CLEC16A: variants seen among roughly 807,000 people sequenced by gnomAD.
The protein encoded by CLEC16A is C-type lectin domain containing 16A.
Under a neutral mutation model 109.5 loss-of-function variants are expected in CLEC16A, and 51 were observed. That is an observed-to-expected ratio of 0.47 (90% CI 0.37 to 0.59). The LOEUF (loss-of-function observed/expected upper bound fraction) is 0.59. Ranked by LOEUF, CLEC16A falls within the 20% of genes least tolerant of loss-of-function variation. The pLI is 0.00. For missense variants in CLEC16A, 1,339 were observed against 1,394.0 expected (o/e 0.96, Z 0.63); for synonymous variants, 673 against 564.2 (o/e 1.19, Z -2.73).
chr16:11,006,577 T>G (rs1184842663), intron 11 of CLEC16A, among the ~76,000 whole-genome samples: 1 of 152,188 alleles, frequency 6.6e-6, no homozygotes, highest in African/African-American at 2.4e-5. Context: ...CTGCATACCC[T>G]GCCAATCCCA....
chr16:11,008,635 G>C (rs2045193570), intron 11 of CLEC16A, among the ~76,000 whole-genome samples: 1 of 151,500 alleles, frequency 6.6e-6, no homozygotes, highest in South Asian at 2.1e-4. Flanking sequence ...TTAAACTTAT[G>C]GTAAAATACG....
intron 19 of CLEC16A, among the ~76,000 whole-genome samples, chr16:11,093,879 T>C (rs16958036): frequency 0.095 from 14,406 of 152,048 alleles, 702 homozygotes; most frequent in East Asian, 0.12. Context: ...GAAACATGCC[T>C]CTCTCATTCA....
intron 18 of CLEC16A, among the ~76,000 whole-genome samples, chr16:11,058,086 C>T (rs1483614946): frequency 6.6e-6 from 1 of 152,216 alleles, no homozygotes; most frequent in Non-Finnish European, 1.5e-5. Flanking sequence ...CCCAATGTGC[C>T]TACCAGGCCC....
intron 10 of CLEC16A, among the ~76,000 whole-genome samples, chr16:11,002,285 A>C (rs539748187): frequency 1.3e-5 from 2 of 152,370 alleles, no homozygotes; most frequent in African/African-American, 4.8e-5. Flanking sequence ...GTACCACAGA[A>C]GTGTTCATCA....
chr16:10,949,287 TATGGGTCCTA>T (rs2041598977), intron 1 of CLEC16A, among the ~76,000 whole-genome samples: 1 of 152,144 alleles, frequency 6.6e-6, no homozygotes, highest in African/African-American at 2.4e-5. Flanking sequence ...TGCCACATAT[TATGGGTCCTA>T]GGCTCCCACT....
chr16:11,153,920 T>C (rs27867), intron 22 of CLEC16A, among the ~76,000 whole-genome samples: 109,126 of 152,094 alleles, frequency 0.72, 40,907 homozygotes, highest in African/African-American at 0.93. Context: ...GAAGCCCTTC[T>C]GGTTCCTAAT....
At chr16:11,123,647 G>A (rs2052590761) in intron 20 of CLEC16A, 95 bp from the exon 21 acceptor site, 1 of 1,176,798 alleles carries the variant, frequency 8.5e-7, no homozygotes, top group South Asian at 1.3e-5. Context: ...GATGAATTTG[G>A]AGACCTCTTT....
At chr16:11,132,235 C>CCCCCCA (rs1567368486) in intron 22 of CLEC16A, among the ~76,000 whole-genome samples, 2 of 65,532 alleles carry the variant, frequency 3.1e-5, no homozygotes, top group East Asian at 6.5e-4. Context: ...CGCCCACCCA[C>CCCCCCA]CCCCCCCGCC....
intron 12 of CLEC16A, among the ~76,000 whole-genome samples, chr16:11,021,905 G>A: frequency 6.6e-6 from 1 of 152,092 alleles, no homozygotes; most frequent in East Asian, 1.9e-4. Context: ...GTAATACTGT[G>A]GCTTTGCTAA....
intron 1 of CLEC16A, among the ~76,000 whole-genome samples, chr16:10,950,952 G>A (rs1303041899): frequency 6.6e-6 from 1 of 152,246 alleles, no homozygotes; most frequent in Non-Finnish European, 1.5e-5. Context: ...GCAAGGCATA[G>A]CACGTGCAGA....
At chr16:11,112,008 C>A (rs1291387439) in intron 19 of CLEC16A, among the ~76,000 whole-genome samples, 2 of 152,218 alleles carry the variant, frequency 1.3e-5, no homozygotes, top group African/African-American at 4.8e-5. Flanking sequence ...GAATGTCTGC[C>A]AGTTGGAGAG....
chr16:10,972,867 G>GA, intron 6 of CLEC16A, 71 bp from the exon 7 acceptor site: 8 of 1,280,800 alleles, frequency 6.2e-6, no homozygotes, highest in Non-Finnish European at 5.2e-6. Context: ...CTTTGTTTTT[G>GA]TTTTTTTTTT....
chr16:11,034,923 ATGAGTGTGTGTGTG>A (rs1412984354), intron 13 of CLEC16A, among the ~76,000 whole-genome samples: 1 of 151,980 alleles, frequency 6.6e-6, no homozygotes, highest in Non-Finnish European at 1.5e-5. Flanking sequence ...CTGTGTGTGT[ATGAGTGTGTGTGTG>A]TGTTTGTGTG....
Position 10,974,476 on chromosome 16 carries a change from T to C in CLEC16A, c.728+1415T>C, listed in dbSNP as rs565219246. ...GGCACCATTGTTGGGGGGGCTGTCC[T>C]GTGCGTTGTAGGATTTTTAGCAACA... On this transcript the variant is annotated intron_variant, in intron 7 of 23. Coordinates refer to ENST00000409790, the MANE Select transcript of CLEC16A (RefSeq NM_015226.3). Among the ~76,000 whole-genome samples, 4 of 152,320 alleles carry C rather than the reference T, an allele frequency of 2.6e-5. No individual in the cohort carries two copies. In the South Asian group the frequency reaches 8.3e-4, roughly 32 times the overall value.
chr16:11,117,696 A>G (rs2080272), intron 19 of CLEC16A, among the ~76,000 whole-genome samples: 106,325 of 152,064 alleles, frequency 0.7, 38,450 homozygotes, highest in African/African-American at 0.88. Flanking sequence ...TTCTCACTTC[A>G]CTCCTCATGG....
intron 11 of CLEC16A, among the ~76,000 whole-genome samples, chr16:11,009,479 C>G (rs544331058): frequency 6.6e-6 from 1 of 152,230 alleles, no homozygotes; most frequent in South Asian, 2.1e-4. Flanking sequence ...TGGTACTGGC[C>G]AAAGCAAAAT....
chr16:11,054,924 TTTTC>T (rs1353433403), intron 18 of CLEC16A, among the ~76,000 whole-genome samples: 8 of 147,628 alleles, frequency 5.4e-5, no homozygotes, highest in Non-Finnish European at 1.0e-4. Flanking sequence ...GATTCAAAGG[TTTTC>T]TTTCTTTTTT....
chr16:10,995,811 C>T (rs546081536), intron 10 of CLEC16A, among the ~76,000 whole-genome samples: 1 of 152,256 alleles, frequency 6.6e-6, no homozygotes, highest in East Asian at 1.9e-4. Context: ...GTCACCATGG[C>T]CTGTCTCCTT....
At chr16:11,089,479 G>C (rs1411771633) in intron 19 of CLEC16A, among the ~76,000 whole-genome samples, 1 of 152,164 alleles carries the variant, frequency 6.6e-6, no homozygotes, top group African/African-American at 2.4e-5. Context: ...ACTTTGTCAG[G>C]AGGCAGTCCT....
Sources: allele counts gnomAD v4.1 joint callset (sites outside exome capture counted in the v4.1 genomes callset), GRCh38; gene constraint gnomAD v4.1.1; transcripts MANE v1.5; gene names NCBI Gene and HGNC (gene_info 2026-07-23, HGNC 2026-07-21).